The following CYP2C19 variants were observed in gnomAD, a reference collection of about 807,000 sequenced individuals.
CYP2C19 encodes cytochrome P450 family 2 subfamily C member 19.
A neutral mutation model predicts 40.9 loss-of-function variants in CYP2C19; 59 were observed. That is an observed-to-expected ratio of 1.44 (90% confidence interval 1.17 to 1.79). The LOEUF is 1.79. Ranked by LOEUF, CYP2C19 falls within the 40% of genes most tolerant of loss-of-function variation. CYP2C19 has a pLI of 0.00. For synonymous variants in CYP2C19, 253 were observed against 208.7 expected (o/e 1.21, Z -1.83); for missense variants, 754 against 596.9 (o/e 1.26, Z -2.74).
At chr10:94,817,873 C>A (rs1326602115) in intron 5 of CYP2C19, among the ~76,000 whole-genome samples, 4 of 143,558 alleles carry the variant, frequency 2.8e-5, no homozygotes, top group African/African-American at 5.0e-5. Context: ...ATTAGCCGGG[C>A]GTAGTGGCGG....
chr10:94,834,460 CATTTT>C (rs1031536471), intron 6 of CYP2C19, among the ~76,000 whole-genome samples: 7 of 151,690 alleles, frequency 4.6e-5, no homozygotes, highest in East Asian at 1.9e-4. Context: ...GTTGCATTGA[CATTTT>C]GTTTTGTTTT....
chr10:94,809,266 A>G (rs900808480), intron 5 of CYP2C19, among the ~76,000 whole-genome samples: 1 of 152,084 alleles, frequency 6.6e-6, no homozygotes, highest in African/African-American at 2.4e-5. Flanking sequence ...TCTTTTGCCC[A>G]CTTTAAAACT....
chr10:94,784,644 C>T (rs1349305873), intron 5 of CYP2C19, among the ~76,000 whole-genome samples: 2 of 152,144 alleles, frequency 1.3e-5, no homozygotes, highest in South Asian at 2.1e-4. Flanking sequence ...GAGACAGAGT[C>T]TCACTCTGTT....
At chr10:94,791,563 G>A (rs1250438685) in intron 5 of CYP2C19, among the ~76,000 whole-genome samples, 1 of 152,068 alleles carries the variant, frequency 6.6e-6, no homozygotes, top group Admixed American at 6.5e-5. Flanking sequence ...CTGGTGTGTT[G>A]TGTCTTTGTT....
At chr10:94,763,019 G>A in intron 1 of CYP2C19, 146 bp downstream of exon 1, 1 of 796,302 alleles carries the variant, frequency 1.3e-6, no homozygotes, top group South Asian at 1.7e-5. Context: ...TTTCCAGTCT[G>A]TCAGTGTCAG....
At chr10:94,788,886 T>C (rs1848573860) in intron 5 of CYP2C19, among the ~76,000 whole-genome samples, 1 of 152,186 alleles carries the variant, frequency 6.6e-6, no homozygotes, top group African/African-American at 2.4e-5. Flanking sequence ...CTGGGTCAAA[T>C]GTTATTTCTA....
rs187156609 is a variant in CYP2C19, at chr10:94,836,759, G to T, written c.962-6078G>T. 1.6e-3 allele frequency among the ~76,000 whole-genome samples: 241 copies of T among 152,268 alleles called. 1 individual carries two copies. The highest frequency in any genetic ancestry group is 2.8e-3 in the Non-Finnish European group (192 of 68,014). The stretch of plus-strand genomic sequence containing the variant: ...CTGCTGTGAGCAGAGCTGAGCCTTT[G>T]GTTTGGAAATCTTGTAGCCACAGGT... On this transcript the variant is annotated intron_variant, in intron 6 of 8. Coordinates refer to ENST00000371321, the MANE Select transcript of CYP2C19 (RefSeq NM_000769.4).
rs562040271 is a variant in CYP2C19, at chr10:94,791,857, A to G, written c.819+9860A>G. Among the ~76,000 whole-genome samples the G allele has an allele frequency of 8.9e-4, 135 of 152,218 alleles. 4 individuals are homozygous for G. The South Asian group carries it at 0.021, about 23-fold the overall frequency. ...TGTATATTCTGTTGATTTGGGGTGGAGAGTTCTGTAGATGTCTATTAGGTC... is the reference window on the plus strand; with the variant it reads ...TGTATATTCTGTTGATTTGGGGTGGGGAGTTCTGTAGATGTCTATTAGGTC... On this transcript the variant is annotated intron_variant, in intron 5 of 8. Transcript: ENST00000371321.
intron 8 of CYP2C19, among the ~76,000 whole-genome samples, chr10:94,852,508 T>A (rs1053582856): frequency 1.3e-5 from 2 of 152,182 alleles, no homozygotes; most frequent in African/African-American, 4.8e-5. Flanking sequence ...AGTAAGCATG[T>A]CCATTCATTG....
rs1300876755 is a variant in CYP2C19, at chr10:94,824,490, TCACA to T, written c.961+3860_961+3863del. Among the ~76,000 whole-genome samples, 4 of 152,252 alleles carry T rather than the reference TCACA, an allele frequency of 2.6e-5. No homozygotes were observed. In the East Asian group the frequency reaches 7.7e-4, roughly 29 times the overall value. On this transcript the variant is annotated intron_variant, in intron 6 of 8. Coordinates refer to ENST00000371321, the MANE Select transcript of CYP2C19 (RefSeq NM_000769.4). ...GAATACCATTGCAAATTGCAGACTC[TCACA>T]CACACAAGCACAGCTGCACAAATAC...
intron 5 of CYP2C19, among the ~76,000 whole-genome samples, chr10:94,818,820 A>G (rs61886230): frequency 0.13 from 19,061 of 151,162 alleles, 1,559 homozygotes; most frequent in Non-Finnish European, 0.19. Context: ...TAGATAAACA[A>G]TCATGTCGTC....
chr10:94,822,431 A>C (rs1364931141), intron 6 of CYP2C19, among the ~76,000 whole-genome samples: 1 of 152,172 alleles, frequency 6.6e-6, no homozygotes, highest in African/African-American at 2.4e-5. Context: ...CAGTCTAAAC[A>C]TATCAGTGTA....
At chr10:94,805,605 C>T (rs1292606545) in intron 5 of CYP2C19, among the ~76,000 whole-genome samples, 7 of 152,068 alleles carry the variant, frequency 4.6e-5, no homozygotes, top group African/African-American at 1.2e-4. Context: ...AACTCTTGGC[C>T]GGGCATTGTA....
intron 6 of CYP2C19, among the ~76,000 whole-genome samples, chr10:94,829,727 C>T (rs552660444): frequency 1.8e-4 from 28 of 151,936 alleles, no homozygotes; most frequent in East Asian, 5.8e-4. Context: ...GGAGGAGAGG[C>T]GCTCTGCTTT....
At position 94,842,960 on chromosome 10, in the gene CYP2C19, T is replaced by A; in HGVS notation, c.1085T>A (p.Ile362Asn). The stretch of plus-strand genomic sequence containing the variant: ...GAGGTCCAGAGATACATCGACCTCA[T>A]CCCCACCAGCCTGCCCCATGCAGTG... ...VHEVQRYIDLIPTSLPHAVTC... is the reference protein window; with the variant it reads ...VHEVQRYIDLNPTSLPHAVTC... Residue 362 changes from isoleucine (I) to asparagine (N), a missense_variant, in exon 7 of 9, where the codon ATC becomes AAC. Physicochemically the swap from Ile to Asn is moderately radical, Grantham distance 149. Transcript: ENST00000371321. The A allele has an allele frequency of 6.2e-7, 1 of 1,614,198 alleles. No individual in the cohort carries two copies. The highest frequency in any genetic ancestry group is 1.6e-4 in the Middle Eastern group (1 of 6,062).
intron 6 of CYP2C19, among the ~76,000 whole-genome samples, chr10:94,826,591 A>G (rs1416604100): frequency 6.6e-6 from 1 of 152,218 alleles, no homozygotes; most frequent in Non-Finnish European, 1.5e-5. Context: ...ATATACAATC[A>G]TGTCATCTGT....
Position 94,855,074 on chromosome 10 carries a change from G to C in CYP2C19, c.*2160G>C, listed in dbSNP as rs915892315. Among the ~76,000 whole-genome samples, 1 of 152,080 alleles carries C rather than the reference G, an allele frequency of 6.6e-6. No individual in the cohort carries two copies. Among genetic ancestry groups the C allele is most frequent in the Non-Finnish European group, 1.5e-5 (1 of 68,010 alleles). ...TTCCTGCCTATTTCAGCTCCTAAAGGCTGCCTGCATTCCTTGGCTCATGAA... is the reference window on the plus strand; with the variant it reads ...TTCCTGCCTATTTCAGCTCCTAAAGCCTGCCTGCATTCCTTGGCTCATGAA... On this transcript the variant is annotated 3_prime_UTR_variant, in exon 9 of 9. Coordinates refer to ENST00000371321, the MANE Select transcript of CYP2C19 (RefSeq NM_000769.4).
chr10:94,790,673 C>G lies in CYP2C19; in HGVS notation c.819+8676C>G, dbSNP rs957420172. Among the ~76,000 whole-genome samples, 9 of 152,188 alleles carry G rather than the reference C, an allele frequency of 5.9e-5. No individual in the cohort carries two copies. In the South Asian group the frequency reaches 6.2e-4, roughly 11 times the overall value. ...TATTGATTTGCATATGTTGAAAAAG[C>G]CTTGCATCCCCGGGATGAAGCCAAC... On this transcript the variant is annotated intron_variant, in intron 5 of 8. Transcript: ENST00000371321.
At chr10:94,763,844 C>T (rs561755465) in intron 1 of CYP2C19, among the ~76,000 whole-genome samples, 2 of 152,156 alleles carry the variant, frequency 1.3e-5, no homozygotes, top group South Asian at 2.1e-4. Context: ...CACGGACCCT[C>T]GTGGTGAGTG....
Sources: gnomAD v4.1 joint callset for allele counts (sites outside exome capture counted in the v4.1 genomes callset) on GRCh38, gnomAD v4.1.1 for gene constraint, MANE v1.5 for transcripts, NCBI Gene and HGNC (gene_info 2026-07-23, HGNC 2026-07-21) for gene names.